TBX20: variants seen among roughly 807,000 people sequenced by gnomAD.
The protein encoded by TBX20 is T-box transcription factor 20.
A neutral mutation model predicts 42.9 loss-of-function variants in TBX20; 8 were observed. That is an observed-to-expected ratio of 0.19 (90% CI 0.11 to 0.34). The LOEUF (loss-of-function observed/expected upper bound fraction) is 0.34, where lower values mean the gene tolerates loss of function less well. Among genes scored for constraint, TBX20 ranks in the 10% least tolerant of loss-of-function variants. The pLI is 1.00. For missense variants in TBX20, 411 were observed against 566.0 expected (o/e 0.73, Z 2.78); for synonymous variants, 198 against 222.8 (o/e 0.89, Z 0.99).
intron 6 of TBX20, among the ~76,000 whole-genome samples, chr7:35,225,346 A>C (rs544314503): frequency 8.0e-5 from 12 of 149,516 alleles, no homozygotes; most frequent in Admixed American, 7.4e-4. Flanking sequence ...TATGTAACAT[A>C]ATAACCCAAA....
intron 1 of TBX20, among the ~76,000 whole-genome samples, chr7:35,252,735 G>A (rs1282966128): frequency 6.6e-6 from 1 of 152,178 alleles, no homozygotes; most frequent in Non-Finnish European, 1.5e-5. Context: ...CAGTTGTAAA[G>A]AGATTCTTAA....
chr7:35,214,092 T>C (rs998570259), intron 6 of TBX20, among the ~76,000 whole-genome samples: 1 of 152,140 alleles, frequency 6.6e-6, no homozygotes, highest in African/African-American at 2.4e-5. Context: ...TTGAATTCCC[T>C]AAAATAGTGT....
intron 1 of TBX20, among the ~76,000 whole-genome samples, chr7:35,252,799 C>T (rs549503887): frequency 7.2e-5 from 11 of 152,202 alleles, no homozygotes; most frequent in Non-Finnish European, 1.5e-4. Flanking sequence ...TTAAGAAGAA[C>T]ATAATCCCTG....
At chr7:35,207,597 TGTAA>T (rs775673378) in intron 6 of TBX20, among the ~76,000 whole-genome samples, 5 of 152,226 alleles carry the variant, frequency 3.3e-5, no homozygotes, top group Admixed American at 6.5e-5. Context: ...AGTTTTTTTC[TGTAA>T]GTGTTATAGT....
intron 3 of TBX20, among the ~76,000 whole-genome samples, chr7:35,247,505 C>T (rs1790216821): frequency 6.6e-6 from 1 of 152,044 alleles, no homozygotes; most frequent in African/African-American, 2.4e-5. Flanking sequence ...TGCTTTTAAT[C>T]TCTTTTCTAG....
In TBX20 at chr7:35,253,634, C is replaced by T. The variant is rs765415367; in HGVS notation, c.-14G>A. 1.8e-5 allele frequency: 29 copies of T among 1,609,542 alleles called. No individual in the cohort carries two copies. Among genetic ancestry groups the T allele is most frequent in the Non-Finnish European group, 2.5e-5 (29 of 1,178,756 alleles). On this transcript the variant is annotated 5_prime_UTR_variant, in exon 1 of 8. Coordinates refer to ENST00000408931, the MANE Select transcript of TBX20 (RefSeq NM_001077653.2). ...CGTGAACTCCATGGTCCCCAGCACG[C>T]GGTCCTGGCCAGGGACGGGGTCGTC...
At chr7:35,233,097 T>G (rs28709565) in intron 5 of TBX20, among the ~76,000 whole-genome samples, 39,879 of 152,134 alleles carry the variant, frequency 0.26, 5,891 homozygotes, top group Non-Finnish European at 0.34. Context: ...ATAGAACACT[T>G]TAAACTGTTA....
At chr7:35,240,360 A>G (rs1790051062) in intron 5 of TBX20, among the ~76,000 whole-genome samples, 1 of 152,236 alleles carries the variant, frequency 6.6e-6, no homozygotes, top group East Asian at 1.9e-4. Context: ...TAAATTAGAT[A>G]TCTTGATGTT....
intron 7 of TBX20, among the ~76,000 whole-genome samples, chr7:35,203,141 A>G (rs1163577844): frequency 6.6e-6 from 1 of 152,194 alleles, no homozygotes; most frequent in Non-Finnish European, 1.5e-5. Flanking sequence ...GGCTGAATGT[A>G]AGAAATATCT....
At chr7:35,218,528 A>C (rs1789627643) in intron 6 of TBX20, among the ~76,000 whole-genome samples, 1 of 152,194 alleles carries the variant, frequency 6.6e-6, no homozygotes, top group Non-Finnish European at 1.5e-5. Context: ...CTGGAAGTTT[A>C]AAATCAAAAT....
At chr7:35,216,678 C>T (rs1354158099) in intron 6 of TBX20, among the ~76,000 whole-genome samples, 2 of 152,090 alleles carry the variant, frequency 1.3e-5, no homozygotes, top group Non-Finnish European at 2.9e-5. Context: ...CTATAACTTG[C>T]CATGCTTTGT....
In TBX20 at chr7:35,241,036, A is replaced by G; in HGVS notation, c.656T>C (p.Ile219Thr). Residue 219 changes from isoleucine to threonine, a missense_variant and splice_region_variant, in exon 5 of 8, where the codon ATA becomes ACA. By Grantham distance (89) the Ile-to-Thr change is moderately conservative (BLOSUM62 -1). Around this residue, in one of 5 missense-constraint regions of TBX20, gnomAD observed 121 missense variants for 165.9 expected, o/e 0.73. Coordinates refer to ENST00000408931, the MANE Select transcript of TBX20 (RefSeq NM_001077653.2). ...TNNELDQHGH[I>T]ILNSMHKYQP... ...GTACTTATGCATTGAGTTCAAAATT[A>G]TCTACAACAAAAAGATGGGAAGTAC... 6.2e-7 allele frequency: 1 copy of G among 1,613,842 alleles called. No individual in the cohort carries two copies. Among genetic ancestry groups the G allele is most frequent in the Non-Finnish European group, 8.5e-7 (1 of 1,179,756 alleles).
At chr7:35,247,363 C>T (rs1163336693) in intron 3 of TBX20, among the ~76,000 whole-genome samples, 2 of 151,602 alleles carry the variant, frequency 1.3e-5, no homozygotes, top group African/African-American at 4.8e-5. Context: ...GAATCTTGCT[C>T]AACTAAAAAA....
In TBX20 at chr7:35,202,783, A is replaced by G. The variant is rs777322731; in HGVS notation, c.1004-13T>C. The G allele has an allele frequency of 1.3e-6, 2 of 1,543,070 alleles. No homozygotes were observed. The highest frequency in any genetic ancestry group is 2.4e-5 in the South Asian group (2 of 83,172). ...GTAAAGGCTGACCCTGTAAGGAAAA[A>G]CACTCATTAGACTGGAAACACTGTG... On this transcript the variant is annotated splice_polypyrimidine_tract_variant and intron_variant, in intron 7 of 7. Transcript: ENST00000408931.
intron 6 of TBX20, among the ~76,000 whole-genome samples, chr7:35,208,357 T>G (rs560423743): frequency 1.3e-5 from 2 of 152,196 alleles, no homozygotes; most frequent in African/African-American, 4.8e-5. Flanking sequence ...TACACAAAGA[T>G]AGTTTTACTT....
At chr7:35,239,012 C>T (rs1160154257) in intron 5 of TBX20, among the ~76,000 whole-genome samples, 1 of 152,098 alleles carries the variant, frequency 6.6e-6, no homozygotes, top group Non-Finnish European at 1.5e-5. Flanking sequence ...AGCCTACACA[C>T]ACAACTACAT....
intron 1 of TBX20, among the ~76,000 whole-genome samples, chr7:35,251,239 T>C (rs1790299151): frequency 1.3e-5 from 2 of 152,340 alleles, no homozygotes; most frequent in Non-Finnish European, 2.9e-5. Flanking sequence ...ATCTCTTAAG[T>C]GCCCTCAAGA....
chr7:35,252,546 T>TA (rs1790325586), intron 1 of TBX20, among the ~76,000 whole-genome samples: 1 of 5,970 alleles, frequency 1.7e-4, no homozygotes, highest in South Asian at 8.2e-3. Flanking sequence ...TTGGATGTGA[T>TA]ATGTTAAGTG....
intron 7 of TBX20, among the ~76,000 whole-genome samples, chr7:35,203,034 A>C (rs1789332853): frequency 6.6e-6 from 1 of 152,208 alleles, no homozygotes; most frequent in African/African-American, 2.4e-5. Flanking sequence ...AGACTGGCCA[A>C]AACATTAATA....
Sources: allele counts gnomAD v4.1 joint callset (sites outside exome capture counted in the v4.1 genomes callset), GRCh38; gene constraint gnomAD v4.1.1; regional missense constraint gnomAD v4.1.1; transcripts MANE v1.5; gene names NCBI Gene and HGNC (gene_info 2026-07-23, HGNC 2026-07-21).